Variants in PTPRJ observed in about 807,000 individuals in gnomAD.
PTPRJ encodes the protein receptor-type tyrosine-protein phosphatase eta.
A neutral mutation model predicts 141.3 loss-of-function variants in PTPRJ; 129 were observed. The observed-to-expected ratio is 0.91, with a 90% CI of 0.79 to 1.06. The LOEUF is 1.06. Among genes scored for constraint, PTPRJ ranks in the 50% least tolerant of loss-of-function variants. The pLI is 0.00. For synonymous variants in PTPRJ, 610 were observed against 640.5 expected, an observed-to-expected ratio of 0.95 and a Z score of 0.72; for missense variants, 1,601 against 1,679.7, an observed-to-expected ratio of 0.95 and a Z score of 0.82.
intron 3 of PTPRJ, 144 bp downstream of exon 3, chr11:48,113,127 C>A (rs1856481483): frequency 1.6e-6 from 1 of 626,590 alleles, no homozygotes; most frequent in Non-Finnish European, 2.7e-6. Context: ...AATGCATATT[C>A]ATTATATAAA....
At chr11:48,118,528 T>C (rs1474155815) in intron 3 of PTPRJ, among the ~76,000 whole-genome samples, 4 of 152,172 alleles carry the variant, frequency 2.6e-5, no homozygotes, top group African/African-American at 7.2e-5. Context: ...CAAAACACTA[T>C]AGGCCAAGAT....
chr11:47,997,066 G>T (rs941396629), intron 1 of PTPRJ, among the ~76,000 whole-genome samples: 1 of 152,190 alleles, frequency 6.6e-6, no homozygotes, highest in African/African-American at 2.4e-5. Context: ...CCAGAACATG[G>T]TTTCTCCATC....
rs1858025866 is a variant in PTPRJ, at chr11:48,170,357, C to T, written c.*2995C>T. ...AGCCATACTGTGACCTCCAGCCAGA[C>T]TTCCGCCTAATTGACTCCACTGGAT... On this transcript the variant is annotated 3_prime_UTR_variant, in exon 25 of 25. Transcript: ENST00000418331. 6.6e-6 allele frequency: 1 copy of T among 152,072 alleles called. No individual in the cohort carries two copies. Among genetic ancestry groups the T allele is most frequent in the Admixed American group, 6.6e-5 (1 of 15,258 alleles). The allele number at this position is 152,072 out of a possible 1,614,324, so 9.4% of individuals were successfully genotyped here.
intron 1 of PTPRJ, among the ~76,000 whole-genome samples, chr11:48,083,241 C>T (rs554894183): frequency 6.6e-6 from 1 of 152,276 alleles, no homozygotes; most frequent in African/African-American, 2.4e-5. Context: ...GCCTGACCAA[C>T]ATGGTGAAAC....
At position 48,139,781 on chromosome 11, in the gene PTPRJ, G is replaced by A. The variant is rs1264657665; in HGVS notation, c.2443+5G>A. The A allele has an allele frequency of 1.2e-6, 2 of 1,613,342 alleles. No individual in the cohort carries two copies. Among genetic ancestry groups the A allele is most frequent in the Non-Finnish European group, 1.7e-6 (2 of 1,179,850 alleles). ...CCTGCACTACTGGCATCACAGGTGG[G>A]CTACAAGGCAGGGGCTGGTCAGTTG... is the stretch of plus-strand genomic sequence containing the variant. On this transcript the variant is annotated splice_donor_5th_base_variant and intron_variant, in intron 11 of 24. Coordinates refer to ENST00000418331, the MANE Select transcript of PTPRJ (RefSeq NM_002843.4).
chr11:48,114,772 G>A (rs1856524331), intron 3 of PTPRJ, among the ~76,000 whole-genome samples: 1 of 152,206 alleles, frequency 6.6e-6, no homozygotes, highest in Non-Finnish European at 1.5e-5. Flanking sequence ...CAAAATACAT[G>A]TTTTAAGGAA....
chr11:48,139,897 T>G, intron 11 of PTPRJ, 121 bp downstream of exon 11: 1 of 1,090,942 alleles, frequency 9.2e-7, no homozygotes, highest in Non-Finnish European at 1.3e-6. Flanking sequence ...TCCCCTAAAA[T>G]ATTTGCTTTT....
chr11:47,986,556 G>T lies in PTPRJ; in HGVS notation c.96+5548G>T, dbSNP rs968011765. Among the ~76,000 whole-genome samples the T allele has an allele frequency of 2.6e-5, 4 of 152,218 alleles. No homozygotes were observed. The South Asian group carries it at 8.3e-4, about 32-fold the overall frequency. On this transcript the variant is annotated intron_variant, in intron 1 of 24. Coordinates refer to ENST00000418331, the MANE Select transcript of PTPRJ (RefSeq NM_002843.4). Reference sequence around the variant, plus strand: ...TTTTAAGACGGAGTCTCACTCTGTTGCTTAGGCTGGAGTGCAGTGGCGTGA... The same window carrying T: ...TTTTAAGACGGAGTCTCACTCTGTTTCTTAGGCTGGAGTGCAGTGGCGTGA...
At chr11:48,074,203 A>G (rs1855340496) in intron 1 of PTPRJ, among the ~76,000 whole-genome samples, 1 of 151,814 alleles carries the variant, frequency 6.6e-6, no homozygotes, top group Non-Finnish European at 1.5e-5. Flanking sequence ...TGTAATTTTT[A>G]AAAACTAAAA....
chr11:48,071,902 ATT>A (rs35087042), intron 1 of PTPRJ, among the ~76,000 whole-genome samples: 11 of 82,562 alleles, frequency 1.3e-4, no homozygotes, highest in Admixed American at 3.6e-4. Context: ...ACGCCTGGCC[ATT>A]TTTTTTTTTT....
In PTPRJ at chr11:47,980,888, G is replaced by A; in HGVS notation, c.-25G>A. 8.8e-7 allele frequency: 1 copy of A among 1,130,760 alleles called. No homozygotes were observed. The highest frequency in any genetic ancestry group is 4.6e-5 in the East Asian group (1 of 21,524). The allele number at this position is 1,130,760 out of a possible 1,614,324, so 70.0% of individuals were successfully genotyped here. A position where few individuals can be genotyped will look rare whatever the true frequency, so the allele number is the denominator to read the frequency against. On this transcript the variant is annotated 5_prime_UTR_variant, in exon 1 of 25. Transcript: ENST00000418331. ...CGGCGGGGCCCGATTCGCGCGTCCG[G>A]GGCACGTTCCAGGGCGCGCGGGGCA...
At chr11:48,132,145 C>G in intron 8 of PTPRJ, 1 of 985,404 alleles carries the variant, frequency 1.0e-6, no homozygotes. Flanking sequence ...AAATTAACTA[C>G]TGTGCTGTGT....
intron 8 of PTPRJ, among the ~76,000 whole-genome samples, chr11:48,135,358 A>G (rs895441561): frequency 8.6e-5 from 13 of 150,754 alleles, no homozygotes; most frequent in South Asian, 2.1e-4. Context: ...ACTTTTTTTG[A>G]TAGAGACGGG....
rs192760769 is a variant in PTPRJ, at chr11:48,023,795, T to C, written c.96+42787T>C. Among the ~76,000 whole-genome samples the C allele has an allele frequency of 2.2e-5, 3 of 137,812 alleles. No homozygotes were observed. In the East Asian group the frequency reaches 5.9e-4, roughly 27 times the overall value. 90.4% of individuals were successfully genotyped at this position (137,812 alleles called of 152,430 possible). ...AGACTCGGACTCAAAAATAAATAAA[T>C]AAATAAATAAATAAATAAATAAATA... is the stretch of plus-strand genomic sequence containing the variant. On this transcript the variant is annotated intron_variant, in intron 1 of 24. Coordinates refer to ENST00000418331, the MANE Select transcript of PTPRJ (RefSeq NM_002843.4).
intron 1 of PTPRJ, among the ~76,000 whole-genome samples, chr11:48,097,948 G>C (rs1856055831): frequency 6.6e-6 from 1 of 152,166 alleles, no homozygotes; most frequent in Admixed American, 6.5e-5. Flanking sequence ...GCCTGACTTA[G>C]GGGACACAGT....
chr11:48,010,430 C>G (rs1854752569), intron 1 of PTPRJ, among the ~76,000 whole-genome samples: 1 of 151,094 alleles, frequency 6.6e-6, no homozygotes, highest in Non-Finnish European at 1.5e-5. Context: ...CCGCCCGTCT[C>G]AGCCTCCCAA....
intron 10 of PTPRJ, among the ~76,000 whole-genome samples, chr11:48,137,670 AGG>A (rs1391049233): frequency 6.6e-6 from 1 of 152,080 alleles, no homozygotes; most frequent in African/African-American, 2.4e-5. Context: ...GCCTGTGCAG[AGG>A]GGCCTGTGCA....
chr11:47,990,965 C>T (rs941707337), intron 1 of PTPRJ, among the ~76,000 whole-genome samples: 3 of 152,082 alleles, frequency 2.0e-5, no homozygotes, highest in Admixed American at 6.6e-5. Flanking sequence ...AGGCATGAGC[C>T]ACCGTGACCG....
At position 48,098,517 on chromosome 11, in the gene PTPRJ, CTTTTTTTTTT is replaced by C. The variant is rs762125208; in HGVS notation, c.97-11529_97-11520del. Among the ~76,000 whole-genome samples, 2 of 36,340 alleles carry C rather than the reference CTTTTTTTTTT, an allele frequency of 5.5e-5. 1 individual carries two copies. Among genetic ancestry groups the C allele is most frequent in the South Asian group, 5.3e-3 (2 of 380 alleles). 23.8% of individuals were successfully genotyped at this position (36,340 alleles called of 152,430 possible). ...ACCCACATTTCAAATCATTTTATCTCTTTTTTTTTTTTTTTTTTTTTGAGACGGAGTTTCG... is the reference window on the plus strand; with the variant it reads ...ACCCACATTTCAAATCATTTTATCTCTTTTTTTTTTTGAGACGGAGTTTCG... On this transcript the variant is annotated intron_variant, in intron 1 of 24. Transcript: ENST00000418331.
Sources: allele counts gnomAD v4.1 joint callset (sites outside exome capture counted in the v4.1 genomes callset), GRCh38; gene constraint gnomAD v4.1.1; transcripts MANE v1.5; gene names NCBI Gene and HGNC (gene_info 2026-07-23, HGNC 2026-07-21).